Variants in FOXP2 observed in about 807,000 individuals in gnomAD.
FOXP2 encodes forkhead box P2.
FOXP2 carries 12 observed loss-of-function variants against 115.8 expected under a neutral mutation model. That is an observed-to-expected ratio of 0.10 (90% CI 0.07 to 0.17). The LOEUF (loss-of-function observed/expected upper bound fraction) is 0.17, where lower values mean the gene tolerates loss of function less well. FOXP2 is among the 10% of genes least tolerant of loss of function. The pLI, the probability that FOXP2 is intolerant of heterozygous loss-of-function variation, is 1.00. For synonymous variants in FOXP2, 328 were observed against 297.7 expected (o/e 1.10, Z -1.05); for missense variants, 629 against 843.5 (o/e 0.75, Z 3.15).
At chr7:114,129,201 A>G (rs1321029041) in intron 1 of FOXP2, among the ~76,000 whole-genome samples, 1 of 152,238 alleles carries the variant, frequency 6.6e-6, no homozygotes, top group Non-Finnish European at 1.5e-5. Flanking sequence ...CCTTACACAA[A>G]TAAGTGACTT....
At chr7:114,467,630 A>G (rs1795864429) in intron 2 of FOXP2, among the ~76,000 whole-genome samples, 1 of 152,156 alleles carries the variant, frequency 6.6e-6, no homozygotes, top group African/African-American at 2.4e-5. Flanking sequence ...TCTGTCTGTT[A>G]CAAACTGGCA....
chr7:114,344,868 C>A (rs899084158), intron 2 of FOXP2, among the ~76,000 whole-genome samples: 1 of 151,596 alleles, frequency 6.6e-6, no homozygotes, highest in Admixed American at 6.6e-5. Context: ...AAATTTTACA[C>A]GATCTAGTGG....
chr7:114,663,065 T>G (rs1473425632), intron 14 of FOXP2, among the ~76,000 whole-genome samples: 1 of 152,148 alleles, frequency 6.6e-6, no homozygotes, highest in Non-Finnish European at 1.5e-5. Flanking sequence ...TTCTAGAAAT[T>G]AACCATTAAT....
At chr7:114,245,897 C>T (rs1449587167) in intron 1 of FOXP2, among the ~76,000 whole-genome samples, 2 of 151,718 alleles carry the variant, frequency 1.3e-5, no homozygotes, top group African/African-American at 4.8e-5. Context: ...CGAAACTGTA[C>T]TAAAGAGTTA....
intron 1 of FOXP2, among the ~76,000 whole-genome samples, chr7:114,211,259 C>T (rs1433473684): frequency 2.0e-5 from 3 of 152,200 alleles, no homozygotes; most frequent in African/African-American, 7.2e-5. Context: ...GTATGTAAAA[C>T]TCCTGGGTCT....
intron 2 of FOXP2, among the ~76,000 whole-genome samples, chr7:114,454,553 T>C (rs1795207817): frequency 6.7e-6 from 1 of 149,468 alleles, no homozygotes; most frequent in Non-Finnish European, 1.5e-5. Context: ...CATGCTGTTA[T>C]AAAGACACAT....
At chr7:114,335,469 G>T (rs1797828987) in intron 2 of FOXP2, among the ~76,000 whole-genome samples, 1 of 151,640 alleles carries the variant, frequency 6.6e-6, no homozygotes, top group Non-Finnish European at 1.5e-5. Flanking sequence ...TACTTGAGTT[G>T]CTTTACAAAC....
chr7:114,342,978 G>A (rs1281946763), intron 2 of FOXP2, among the ~76,000 whole-genome samples: 2 of 151,638 alleles, frequency 1.3e-5, no homozygotes, highest in Non-Finnish European at 3.0e-5. Flanking sequence ...GAATTTTGAT[G>A]ATATAAGCTA....
At chr7:114,229,415 A>G (rs1794818443) in intron 1 of FOXP2, among the ~76,000 whole-genome samples, 1 of 151,618 alleles carries the variant, frequency 6.6e-6, no homozygotes, top group Non-Finnish European at 1.5e-5. Flanking sequence ...GGGCCTAAAG[A>G]CAAACATTCC....
intron 3 of FOXP2, among the ~76,000 whole-genome samples, chr7:114,587,392 A>G (rs1037204390): frequency 3.9e-5 from 6 of 152,106 alleles, no homozygotes; most frequent in Admixed American, 6.6e-5. Context: ...GTTTGCTGAG[A>G]ATAATGGCGT....
rs1170387045 is a variant in FOXP2 at position 114,462,366 on chromosome 7, C to CTT, written c.168+35709_168+35710dup. ...TGGGCACTCATTTTCAGCATAATAT[C>CTT]TTTTTTTTTTTTTTTTTTTTTTTAA... On this transcript the variant is annotated intron_variant, in intron 2 of 16. Coordinates refer to ENST00000350908, the MANE Select transcript of FOXP2 (RefSeq NM_014491.4). Among the ~76,000 whole-genome samples the CTT allele has an allele frequency of 4.9e-3, 439 of 89,274 alleles. 10 individuals are homozygous for CTT. The highest frequency in any genetic ancestry group is 0.017 in the South Asian group (34 of 2,012). 58.6% of individuals were successfully genotyped at this position (89,274 alleles called of 152,430 possible).
In FOXP2 at chr7:114,191,480, ACG is replaced by A. The variant is rs952883370; in HGVS notation, c.-102+28394_-102+28395del. Among the ~76,000 whole-genome samples the A allele has an allele frequency of 7.2e-5, 11 of 152,294 alleles. No individual in the cohort carries two copies. The South Asian group carries it at 8.3e-4, about 11-fold the overall frequency. ...AAAAACTTTGAGTTTTTCTCGAGAG[ACG>A]CATATATTGCTGGACCCTCAAGCAC... On this transcript the variant is annotated intron_variant, in intron 1 of 17. Transcript: ENST00000634411.
intron 3 of FOXP2, among the ~76,000 whole-genome samples, chr7:114,573,959 A>G (rs1801446626): frequency 6.6e-6 from 1 of 151,756 alleles, no homozygotes. Flanking sequence ...AAAACGTGCA[A>G]TAAAAATATT....
At chr7:114,353,822 A>G (rs1791553428) in intron 2 of FOXP2, among the ~76,000 whole-genome samples, 1 of 151,942 alleles carries the variant, frequency 6.6e-6, no homozygotes, top group African/African-American at 2.4e-5. Context: ...TCTACATCTC[A>G]CCATCACACC....
At chr7:114,245,563 T>C (rs982163239) in intron 1 of FOXP2, among the ~76,000 whole-genome samples, 16 of 152,230 alleles carry the variant, frequency 1.1e-4, no homozygotes, top group East Asian at 1.9e-4. Context: ...GGGATAGTTA[T>C]GTTATATCAT....
chr7:114,358,793 G>T (rs545902717), intron 2 of FOXP2, among the ~76,000 whole-genome samples: 1 of 152,132 alleles, frequency 6.6e-6, no homozygotes, highest in Non-Finnish European at 1.5e-5. Context: ...GTGACTGGAG[G>T]TTCTTAACAG....
intron 16 of FOXP2, among the ~76,000 whole-genome samples, chr7:114,679,480 A>G (rs1247464503): frequency 6.6e-6 from 1 of 152,080 alleles, no homozygotes; most frequent in Non-Finnish European, 1.5e-5. Context: ...AAACTCTTCT[A>G]CCTTTTCATT....
intron 2 of FOXP2, among the ~76,000 whole-genome samples, chr7:114,379,159 G>C (rs1367936356): frequency 1.3e-5 from 2 of 152,166 alleles, no homozygotes; most frequent in Non-Finnish European, 2.9e-5. Flanking sequence ...GGGACCCAAA[G>C]GGGGTTGCTG....
intron 2 of FOXP2, among the ~76,000 whole-genome samples, chr7:114,407,809 C>A (rs1252032365): frequency 6.6e-6 from 1 of 152,054 alleles, no homozygotes; most frequent in Non-Finnish European, 1.5e-5. Context: ...AACTTCAGGA[C>A]ATGATTGTTA....
Sources: gnomAD v4.1 joint callset for allele counts (sites outside exome capture counted in the v4.1 genomes callset) on GRCh38, gnomAD v4.1.1 for gene constraint, MANE v1.5 for transcripts, NCBI Gene and HGNC (gene_info 2026-07-23, HGNC 2026-07-21) for gene names.